PLCXD3: variants seen among roughly 807,000 people sequenced by gnomAD.
PLCXD3 encodes PI-PLC X domain-containing protein 3.
Under a neutral mutation model 25.5 loss-of-function variants are expected in PLCXD3, and 19 were observed. The observed-to-expected ratio is 0.75, with a 90% CI of 0.52 to 1.09. The LOEUF (loss-of-function observed/expected upper bound fraction) is 1.09, where lower values mean the gene tolerates loss of function less well. PLCXD3 is among the 50% of genes least tolerant of loss of function. PLCXD3 has a pLI of 0.00. For missense variants in PLCXD3, 411 were observed against 388.1 expected, an observed-to-expected ratio of 1.06 and a Z score of -0.50; for synonymous variants, 174 against 137.6, an observed-to-expected ratio of 1.26 and a Z score of -1.85.
At chr5:41,480,400 T>G (rs536253378) in intron 1 of PLCXD3, among the ~76,000 whole-genome samples, 34 of 152,004 alleles carry the variant, frequency 2.2e-4, no homozygotes, top group Non-Finnish European at 4.3e-4. Flanking sequence ...GTTGTTTTTT[T>G]TTTTTTTTTC....
chr5:41,385,796 T>C (rs1463814305), intron 1 of PLCXD3, among the ~76,000 whole-genome samples: 1 of 152,120 alleles, frequency 6.6e-6, no homozygotes, highest in Non-Finnish European at 1.5e-5. Context: ...GAGAGGCCCA[T>C]GTGACACAGA....
chr5:41,400,844 A>C (rs747712114), intron 1 of PLCXD3, among the ~76,000 whole-genome samples: 2 of 152,048 alleles, frequency 1.3e-5, no homozygotes, highest in Non-Finnish European at 2.9e-5. Context: ...CTTAAAGAAT[A>C]TAATTGGATT....
At position 41,313,512 on chromosome 5, in the gene PLCXD3, C is replaced by T. The variant is rs1743201106; in HGVS notation, c.*105G>A. The T allele has an allele frequency of 1.4e-6, 2 of 1,401,344 alleles. No homozygotes were observed. The allele number at this position is 1,401,344 out of a possible 1,614,324, so 86.8% of individuals were successfully genotyped here. A position where few individuals can be genotyped will look rare whatever the true frequency, so the allele number is the denominator to read the frequency against. On this transcript the variant is annotated 3_prime_UTR_variant, in exon 3 of 3. Coordinates refer to ENST00000377801, the MANE Select transcript of PLCXD3 (RefSeq NM_001005473.3). The stretch of plus-strand genomic sequence containing the variant: ...TTCCCACCCACTACCAGCCCTATTC[C>T]CTTCAGAGACTCAGTGGAATAGGAA...
intron 1 of PLCXD3, among the ~76,000 whole-genome samples, chr5:41,446,710 G>C (rs1313087064): frequency 6.6e-6 from 1 of 152,108 alleles, no homozygotes; most frequent in African/African-American, 2.4e-5. Flanking sequence ...AGCTGTCATA[G>C]AACAGTTTTT....
intron 1 of PLCXD3, among the ~76,000 whole-genome samples, chr5:41,439,375 C>T (rs915989757): frequency 1.3e-5 from 2 of 152,132 alleles, no homozygotes; most frequent in Admixed American, 1.3e-4. Context: ...ACTGCATTTC[C>T]CAATGCATCC....
chr5:41,318,332 T>A (rs1225232668), intron 2 of PLCXD3, among the ~76,000 whole-genome samples: 2 of 152,144 alleles, frequency 1.3e-5, no homozygotes. Flanking sequence ...ACTACTCTTA[T>A]CCTTAGTAGA....
chr5:41,391,668 T>C (rs167627), intron 1 of PLCXD3, among the ~76,000 whole-genome samples: 86,414 of 151,960 alleles, frequency 0.57, 25,110 homozygotes, highest in South Asian at 0.71. Flanking sequence ...TTCCTTACTC[T>C]TGAGAAAAGC....
chr5:41,414,260 G>C (rs1258615286), intron 1 of PLCXD3, among the ~76,000 whole-genome samples: 1 of 151,598 alleles, frequency 6.6e-6, no homozygotes, highest in Non-Finnish European at 1.5e-5. Context: ...TTGAGATGGA[G>C]TTTCGCTCTT....
intron 1 of PLCXD3, among the ~76,000 whole-genome samples, chr5:41,401,546 G>A (rs1364463844): frequency 6.6e-6 from 1 of 151,944 alleles, no homozygotes; most frequent in African/African-American, 2.4e-5. Context: ...TTAGTTTCCC[G>A]ATTTCTCTAT....
intron 1 of PLCXD3, among the ~76,000 whole-genome samples, chr5:41,452,098 A>G (rs1747646124): frequency 1.3e-5 from 2 of 152,048 alleles, no homozygotes; most frequent in African/African-American, 4.8e-5. Context: ...GTGAAAGCAG[A>G]CTGAACAGCC....
intron 1 of PLCXD3, among the ~76,000 whole-genome samples, chr5:41,490,749 T>A (rs1473262426): frequency 3.9e-5 from 6 of 152,234 alleles, no homozygotes; most frequent in Non-Finnish European, 8.8e-5. Flanking sequence ...TCTCTGATGG[T>A]AGTTTGTATT....
At chr5:41,325,542 T>A (rs1244612893) in intron 2 of PLCXD3, among the ~76,000 whole-genome samples, 1 of 152,224 alleles carries the variant, frequency 6.6e-6, no homozygotes, top group African/African-American at 2.4e-5. Flanking sequence ...GTATAACTGT[T>A]TATATATCTG....
chr5:41,490,687 A>T (rs1328889488), intron 1 of PLCXD3, among the ~76,000 whole-genome samples: 2 of 152,142 alleles, frequency 1.3e-5, no homozygotes, highest in African/African-American at 4.8e-5. Flanking sequence ...CGAGGAATTT[A>T]TCCATTTCTT....
chr5:41,469,831 T>A (rs1210910062), intron 1 of PLCXD3, among the ~76,000 whole-genome samples: 3 of 152,218 alleles, frequency 2.0e-5, no homozygotes, highest in African/African-American at 7.2e-5. Flanking sequence ...TTTTAAATGG[T>A]GTGAGCAATA....
At chr5:41,361,099 G>T (rs1219884441) in intron 2 of PLCXD3, among the ~76,000 whole-genome samples, 1 of 152,036 alleles carries the variant, frequency 6.6e-6, no homozygotes, top group African/African-American at 2.4e-5. Context: ...GGGGATGGGG[G>T]TGTGGATCTC....
At chr5:41,320,254 A>C (rs1423590786) in intron 2 of PLCXD3, among the ~76,000 whole-genome samples, 1 of 152,028 alleles carries the variant, frequency 6.6e-6, no homozygotes, top group East Asian at 1.9e-4. Flanking sequence ...TTCCAAACTC[A>C]CTCTATGAGG....
chr5:41,510,378 G>A (rs761893066), intron 1 of PLCXD3, 46 bp downstream of exon 1: 2 of 1,505,166 alleles, frequency 1.3e-6, no homozygotes, highest in Non-Finnish European at 1.8e-6. Context: ...GGCGGGGCAG[G>A]TGGAGCGGGC....
intron 1 of PLCXD3, among the ~76,000 whole-genome samples, chr5:41,394,160 A>G (rs1745926572): frequency 6.6e-6 from 1 of 152,188 alleles, no homozygotes. Context: ...CAAAGTTAAA[A>G]TAGAGTTTTT....
chr5:41,509,391 C>T lies in PLCXD3; in HGVS notation c.103+1033G>A, dbSNP rs534852445. On this transcript the variant is annotated intron_variant, in intron 1 of 2. Coordinates refer to ENST00000377801, the MANE Select transcript of PLCXD3 (RefSeq NM_001005473.3). ...AGCCAAATTGACAATAAAGTATGGC[C>T]GTGTCCCAGCTGTCATTGTTGTAAA... Among the ~76,000 whole-genome samples the T allele has an allele frequency of 2.6e-5, 4 of 152,206 alleles. No homozygotes were observed. In the South Asian group the frequency reaches 8.3e-4, roughly 32 times the overall value.
Sources: gnomAD v4.1 joint callset for allele counts (sites outside exome capture counted in the v4.1 genomes callset) on GRCh38, gnomAD v4.1.1 for gene constraint, MANE v1.5 for transcripts, NCBI Gene and HGNC (gene_info 2026-07-23, HGNC 2026-07-21) for gene names.